The following RNFT2 variants were observed in gnomAD, a reference collection of about 807,000 sequenced individuals.
The protein encoded by RNFT2 is ring finger protein, transmembrane 2.
Under a neutral mutation model 53.0 loss-of-function variants are expected in RNFT2, and 36 were observed. That is an observed-to-expected ratio of 0.68 (90% CI 0.52 to 0.90). The LOEUF is 0.90. Ranked by LOEUF, RNFT2 falls within the 40% of genes least tolerant of loss-of-function variation. The pLI is 0.00. For synonymous variants in RNFT2, 260 were observed against 253.2 expected (o/e 1.03, Z -0.26); for missense variants, 514 against 585.6 (o/e 0.88, Z 1.26).
At chr12:116,821,382 G>A (rs959165596) in intron 7 of RNFT2, among the ~76,000 whole-genome samples, 4 of 152,184 alleles carry the variant, frequency 2.6e-5, no homozygotes, top group Middle Eastern at 3.2e-3. Context: ...GACCCAGCAC[G>A]GGCCTCAGCT....
At chr12:116,801,953 C>T (rs2137152413) in intron 7 of RNFT2, among the ~76,000 whole-genome samples, 1 of 152,274 alleles carries the variant, frequency 6.6e-6, no homozygotes, top group South Asian at 2.1e-4. Context: ...TCCTGAGCAG[C>T]TGGGATTACA....
intron 7 of RNFT2, among the ~76,000 whole-genome samples, chr12:116,827,103 C>T (rs1172600696): frequency 6.6e-6 from 1 of 151,562 alleles, no homozygotes; most frequent in Non-Finnish European, 1.5e-5. Flanking sequence ...GCCTGTAATC[C>T]CAGCTACTCA....
chr12:116,849,639 A>G lies in RNFT2; in HGVS notation c.*191A>G. ...ATCTTCCTCTCTCGTTCTGTGGTAT[A>G]GTGCGTGCCTCCTTCCCCTGCAAAA... On this transcript the variant is annotated 3_prime_UTR_variant, in exon 11 of 11. Transcript: ENST00000257575. The G allele has an allele frequency of 7.5e-7, 1 of 1,326,754 alleles. No individual in the cohort carries two copies. The highest frequency in any genetic ancestry group is 2.7e-5 in the East Asian group (1 of 37,612). 82.2% of individuals were successfully genotyped at this position (1,326,754 alleles called of 1,614,324 possible).
At position 116,794,656 on chromosome 12, in the gene RNFT2, A is replaced by G. The variant is rs867220719; in HGVS notation, c.882+15308A>G. Among the ~76,000 whole-genome samples, 181 of 38,144 alleles carry G rather than the reference A, an allele frequency of 4.7e-3. 1 individual carries two copies. Among genetic ancestry groups the G allele is most frequent in the South Asian group, 0.014 (9 of 622 alleles). 25.0% of individuals were successfully genotyped at this position (38,144 alleles called of 152,430 possible). A position where few individuals can be genotyped will look rare whatever the true frequency, so the allele number is the denominator to read the frequency against. On this transcript the variant is annotated intron_variant, in intron 7 of 10. Coordinates refer to ENST00000257575, the MANE Select transcript of RNFT2 (RefSeq NM_001382266.1). ...AGGGGAGGGGAGGGGAGAAGGAAGGAAGGAAGGGAGGAAGGAAGGGAGGGA... is the reference window on the plus strand; with the variant it reads ...AGGGGAGGGGAGGGGAGAAGGAAGGGAGGAAGGGAGGAAGGAAGGGAGGGA...
Position 116,752,604 on chromosome 12 carries a change from A to G in RNFT2, c.551-1380A>G, listed in dbSNP as rs150488983. Among the ~76,000 whole-genome samples the G allele has an allele frequency of 2.3e-4, 35 of 152,282 alleles. No homozygotes were observed. In the Middle Eastern group the frequency reaches 0.01, roughly 44 times the overall value. On this transcript the variant is annotated intron_variant, in intron 4 of 10. Transcript: ENST00000257575. ...ATTAAAAGAGTAAGTGCGACCAGGT[A>G]CGGTGGCTCACGCCTGTAATCCTGG...
intron 7 of RNFT2, among the ~76,000 whole-genome samples, chr12:116,812,058 G>A (rs1431006094): frequency 2.0e-5 from 3 of 152,104 alleles, no homozygotes; most frequent in Non-Finnish European, 4.4e-5. Flanking sequence ...GCCCGGTGAG[G>A]AACAAATGAG....
chr12:116,742,505 G>C (rs7301309), intron 3 of RNFT2, among the ~76,000 whole-genome samples: 1 of 152,070 alleles, frequency 6.6e-6, no homozygotes, highest in Non-Finnish European at 1.5e-5. Flanking sequence ...GGGCTCAAGC[G>C]ATCTGTCCGA....
At chr12:116,765,467 G>A (rs1476830109) in intron 5 of RNFT2, among the ~76,000 whole-genome samples, 8 of 152,116 alleles carry the variant, frequency 5.3e-5, no homozygotes, top group Non-Finnish European at 5.9e-5. Flanking sequence ...AGCATTTACC[G>A]AAACCACAGG....
chr12:116,831,647 G>C (rs1293192988), intron 7 of RNFT2, among the ~76,000 whole-genome samples: 1 of 148,746 alleles, frequency 6.7e-6, no homozygotes, highest in East Asian at 2.1e-4. Context: ...AGAATTGTTA[G>C]AGTAAAGATT....
At chr12:116,800,613 G>A (rs1481964205) in intron 7 of RNFT2, among the ~76,000 whole-genome samples, 1 of 146,484 alleles carries the variant, frequency 6.8e-6, no homozygotes, top group African/African-American at 2.5e-5. Flanking sequence ...CAGCTTGGGT[G>A]ACAGAGCAAG....
chr12:116,759,964 A>G (rs1357129434), intron 5 of RNFT2, among the ~76,000 whole-genome samples: 4 of 151,966 alleles, frequency 2.6e-5, no homozygotes, highest in African/African-American at 9.7e-5. Flanking sequence ...GGTAGGAGGG[A>G]AGGACCATCG....
rs1267700334 is a variant in RNFT2 at position 116,851,092 on chromosome 12, GT to G, written c.*1645del. Reference sequence around the variant, plus strand: ...CCTGTGATGGGGGAGGTACTGTTGGGTCCCCTGTTTTATAGATGAGGAAACT... The same window carrying G: ...CCTGTGATGGGGGAGGTACTGTTGGGCCCCTGTTTTATAGATGAGGAAACT... On this transcript the variant is annotated 3_prime_UTR_variant, in exon 11 of 11. Transcript: ENST00000257575. 1.3e-5 allele frequency: 2 copies of G among 152,170 alleles called. No homozygotes were observed. The highest frequency in any genetic ancestry group is 2.4e-5 in the African/African-American group (1 of 41,400). 9.4% of individuals were successfully genotyped at this position (152,170 alleles called of 1,614,324 possible). A position where few individuals can be genotyped will look rare whatever the true frequency, so the allele number is the denominator to read the frequency against.
rs554337776 is a variant in RNFT2, at chr12:116,795,564, G to A, written c.882+16216G>A. On this transcript the variant is annotated intron_variant, in intron 7 of 10. Coordinates refer to ENST00000257575, the MANE Select transcript of RNFT2 (RefSeq NM_001382266.1). ...TGAGTTCCTCAGTTGCACCAACCAC[G>A]TTTCAAGGGCTCAAACGCAGAAATG... is the stretch of plus-strand genomic sequence containing the variant. 4.1e-4 allele frequency among the ~76,000 whole-genome samples: 62 copies of A among 152,270 alleles called. No homozygotes were observed. The South Asian group carries it at 0.011, about 28-fold the overall frequency.
intron 7 of RNFT2, among the ~76,000 whole-genome samples, chr12:116,787,538 T>G (rs1331155139): frequency 6.6e-6 from 1 of 152,044 alleles, no homozygotes; most frequent in Non-Finnish European, 1.5e-5. Flanking sequence ...AGATGCCATC[T>G]TTATAATAAA....
chr12:116,769,220 G>A lies in RNFT2; in HGVS notation c.728+2306G>A, dbSNP rs538164394. On this transcript the variant is annotated intron_variant, in intron 6 of 10. Coordinates refer to ENST00000257575, the MANE Select transcript of RNFT2 (RefSeq NM_001382266.1). ...CTAAAAATACAAAAATTAGCTGGGCGTGGTAGCAGGTGCCTGTAATTCCAG... is the reference window on the plus strand; with the variant it reads ...CTAAAAATACAAAAATTAGCTGGGCATGGTAGCAGGTGCCTGTAATTCCAG... 2.7e-4 allele frequency among the ~76,000 whole-genome samples: 41 copies of A among 152,232 alleles called. 1 individual carries two copies. The highest frequency in any genetic ancestry group is 2.4e-3 in the Admixed American group (37 of 15,292).
rs1236094940 is a variant in RNFT2, at chr12:116,766,905, T to G, written c.719T>G (p.Leu240Arg). 1.3e-6 allele frequency: 2 copies of G among 1,582,016 alleles called. No homozygotes were observed. Among genetic ancestry groups the G allele is most frequent in the Non-Finnish European group, 1.7e-6 (2 of 1,163,192 alleles). The change falls in exon 6 of 11, where the codon CTG becomes CGG. Residue 240 changes from leucine to arginine, a missense_variant. Leu to Arg is a moderately radical substitution (Grantham distance 102, BLOSUM62 -2). Transcript: ENST00000257575. Reference protein sequence around the residue: ...YVLYTFSSQQLYNSLIFLKPN... With the variant: ...YVLYTFSSQQRYNSLIFLKPN... ...CTTTATACATTCAGCTCCCAGCAGC[T>G]GTACAACAGGTGAGCATGGGAATCC...
intron 10 of RNFT2, among the ~76,000 whole-genome samples, chr12:116,842,627 G>A (rs1565876515): frequency 6.6e-6 from 1 of 152,140 alleles, no homozygotes; most frequent in East Asian, 1.9e-4. Flanking sequence ...AGGCTAGAGT[G>A]CAGTGGCATG....
chr12:116,813,450 C>T (rs577639375), intron 7 of RNFT2, among the ~76,000 whole-genome samples: 3 of 152,332 alleles, frequency 2.0e-5, no homozygotes, highest in East Asian at 1.9e-4. Flanking sequence ...TGGCTGACCC[C>T]TCATCACCCC....
chr12:116,771,828 T>C (rs1337567524), intron 6 of RNFT2, among the ~76,000 whole-genome samples: 3 of 152,144 alleles, frequency 2.0e-5, no homozygotes, highest in East Asian at 3.9e-4. Flanking sequence ...CCTTAAAATA[T>C]CCCTGTCACC....
Sources: gnomAD v4.1 joint callset for allele counts (sites outside exome capture counted in the v4.1 genomes callset) on GRCh38, gnomAD v4.1.1 for gene constraint, MANE v1.5 for transcripts, NCBI Gene and HGNC (gene_info 2026-07-23, HGNC 2026-07-21) for gene names.